Variants in KALRN observed in about 807,000 individuals in gnomAD.
KALRN encodes the protein kalirin.
KALRN carries 70 observed loss-of-function variants against 353.7 expected under a neutral mutation model. That is an observed-to-expected ratio of 0.20 (90% CI 0.16 to 0.24). The LOEUF is 0.24. KALRN is among the 10% of genes least tolerant of loss of function. KALRN has a pLI of 1.00. For synonymous variants in KALRN, 1,391 were observed against 1,434.8 expected, an observed-to-expected ratio of 0.97 and a Z score of 0.69; for missense variants, 2,791 against 3,756.7, an observed-to-expected ratio of 0.74 and a Z score of 6.72.
At chr3:124,454,581 C>G (rs1303365751) in intron 21 of KALRN, among the ~76,000 whole-genome samples, 1 of 152,200 alleles carries the variant, frequency 6.6e-6, no homozygotes, top group African/African-American at 2.4e-5. Flanking sequence ...TTTGTCAACT[C>G]ATTTAATACA....
At chr3:124,105,811 G>A (rs1342777478) in intron 1 of KALRN, among the ~76,000 whole-genome samples, 1 of 152,198 alleles carries the variant, frequency 6.6e-6, no homozygotes, top group Non-Finnish European at 1.5e-5. Context: ...TGGTTGGTGG[G>A]ACATTAGGGT....
At chr3:124,566,532 G>A (rs1424059132) in intron 34 of KALRN, among the ~76,000 whole-genome samples, 1 of 150,066 alleles carries the variant, frequency 6.7e-6, no homozygotes. Flanking sequence ...ACCTAAGTCT[G>A]CATTCTCCAT....
intron 3 of KALRN, among the ~76,000 whole-genome samples, chr3:124,258,585 G>C (rs1364809412): frequency 1.3e-5 from 2 of 152,152 alleles, no homozygotes; most frequent in African/African-American, 4.8e-5. Flanking sequence ...GGATTTTGCT[G>C]GGGGATCTCA....
intron 1 of KALRN, among the ~76,000 whole-genome samples, chr3:124,221,698 G>A (rs956999306): frequency 3.9e-5 from 6 of 152,154 alleles, no homozygotes; most frequent in Admixed American, 2.6e-4. Context: ...GGTTAGCTCC[G>A]TGGATGATGG....
At chr3:124,132,059 A>G (rs1374653989) in intron 1 of KALRN, among the ~76,000 whole-genome samples, 1 of 152,176 alleles carries the variant, frequency 6.6e-6, no homozygotes, top group Non-Finnish European at 1.5e-5. Context: ...GTTTTTTACA[A>G]GTAGATCTTT....
intron 34 of KALRN, among the ~76,000 whole-genome samples, chr3:124,580,384 G>GGGGGGGT (rs1398227667): frequency 6.7e-6 from 1 of 148,548 alleles, no homozygotes; most frequent in Non-Finnish European, 1.5e-5. Flanking sequence ...GGGGAGGGGG[G>GGGGGGGT]ACTCAGGCAG....
At chr3:124,054,449 C>T (rs995426268) in intron 1 of KALRN, among the ~76,000 whole-genome samples, 47 of 151,698 alleles carry the variant, frequency 3.1e-4, no homozygotes, top group African/African-American at 1.1e-3. Context: ...CCTTCCCTAC[C>T]TGGCTGCTAT....
At chr3:124,711,222 A>T (rs1348243862) in intron 57 of KALRN, among the ~76,000 whole-genome samples, 4 of 152,094 alleles carry the variant, frequency 2.6e-5, no homozygotes, top group South Asian at 2.1e-4. Flanking sequence ...GGATCTCACT[A>T]TGTTGTCCAG....
intron 6 of KALRN, among the ~76,000 whole-genome samples, chr3:124,317,043 T>C (rs2078878801): frequency 6.6e-6 from 1 of 152,194 alleles, no homozygotes; most frequent in South Asian, 2.1e-4. Flanking sequence ...GCAAGAGAAT[T>C]CCACCTACCA....
At chr3:124,447,479 A>T (rs775468077) in intron 21 of KALRN, among the ~76,000 whole-genome samples, 2 of 152,206 alleles carry the variant, frequency 1.3e-5, no homozygotes, top group Non-Finnish European at 2.9e-5. Context: ...CCTGATTTTC[A>T]TCTGTTTTCA....
intron 1 of KALRN, among the ~76,000 whole-genome samples, chr3:124,055,259 A>G (rs1343541514): frequency 6.6e-6 from 1 of 152,184 alleles, no homozygotes; most frequent in Non-Finnish European, 1.5e-5. Flanking sequence ...TCTGATTGTA[A>G]ATGTCTGGTT....
At chr3:124,670,623 C>G (rs2086297809) in intron 47 of KALRN, among the ~76,000 whole-genome samples, 1 of 152,182 alleles carries the variant, frequency 6.6e-6, no homozygotes, top group Non-Finnish European at 1.5e-5. Context: ...TAGAAATATC[C>G]TTGTAATTGA....
intron 10 of KALRN, among the ~76,000 whole-genome samples, chr3:124,365,217 T>A (rs747404135): frequency 6.6e-6 from 1 of 152,166 alleles, no homozygotes; most frequent in Non-Finnish European, 1.5e-5. Flanking sequence ...CAGTTTATGT[T>A]TTTCCATGCC....
At chr3:124,042,424 T>C (rs1017285118) in intron 1 of KALRN, among the ~76,000 whole-genome samples, 4 of 152,062 alleles carry the variant, frequency 2.6e-5, no homozygotes, top group African/African-American at 7.2e-5. Flanking sequence ...GGAGGGTCCA[T>C]TGGAGTAGGG....
rs79672747 is a variant in KALRN at position 124,419,379 on chromosome 3, C to T, written c.2543-3433C>T. 9.9e-3 allele frequency among the ~76,000 whole-genome samples: 1,490 copies of T among 150,962 alleles called. 17 individuals carry two copies. The highest frequency in any genetic ancestry group is 0.034 in the African/African-American group (1,411 of 41,040). ...AGTTCTCACAATATCCCTGAGAAGT[C>T]CTCTTTGTGATTCCCATTTTACAGA... On this transcript the variant is annotated intron_variant, in intron 14 of 59. Transcript: ENST00000682506.
chr3:124,629,384 C>G (rs1578472607), intron 34 of KALRN, among the ~76,000 whole-genome samples: 1 of 151,452 alleles, frequency 6.6e-6, no homozygotes, highest in Non-Finnish European at 1.5e-5. Context: ...GTAACAACAA[C>G]AACAAAAAAA....
At chr3:124,130,668 G>T (rs906173987) in intron 1 of KALRN, among the ~76,000 whole-genome samples, 1 of 151,988 alleles carries the variant, frequency 6.6e-6, no homozygotes, top group African/African-American at 2.4e-5. Flanking sequence ...AAAAACAAAA[G>T]CATGTACAAG....
intron 1 of KALRN, among the ~76,000 whole-genome samples, chr3:124,121,268 T>C (rs1165952326): frequency 6.6e-6 from 1 of 151,878 alleles, no homozygotes; most frequent in African/African-American, 2.4e-5. Flanking sequence ...CAGATAGAGG[T>C]TTTGATTGTT....
At chr3:124,392,611 C>CTTTTTT in intron 11 of KALRN, among the ~76,000 whole-genome samples, 1 of 107,716 alleles carries the variant, frequency 9.3e-6, no homozygotes, top group Non-Finnish European at 1.9e-5. Flanking sequence ...TTCTTTCTTT[C>CTTTTTT]TTTTTTTTTT....
Sources: gnomAD v4.1 joint callset for allele counts (sites outside exome capture counted in the v4.1 genomes callset) on GRCh38, gnomAD v4.1.1 for gene constraint, MANE v1.5 for transcripts, NCBI Gene and HGNC (gene_info 2026-07-23, HGNC 2026-07-21) for gene names.